Variants in SPOCK2 observed in about 807,000 individuals in gnomAD.
The protein encoded by SPOCK2 is testican-2.
In SPOCK2, 39 loss-of-function variants were observed where a neutral mutation model predicts 60.1. That is an observed-to-expected ratio of 0.65 (90% confidence interval 0.50 to 0.85). SPOCK2 has a LOEUF of 0.85. Ranked by LOEUF, SPOCK2 falls within the 40% of genes least tolerant of loss-of-function variation. The probability of loss-of-function intolerance (pLI) is 0.00; values close to 1 mark genes in which losing one functional copy is unlikely to be tolerated. For missense variants in SPOCK2, 523 were observed against 567.4 expected (o/e 0.92, Z 0.80); for synonymous variants, 217 against 231.5 (o/e 0.94, Z 0.57).
At position 72,070,327 on chromosome 10, in the gene SPOCK2, G is replaced by A. The variant is rs1414323560; in HGVS notation, c.459C>T (p.His153=). ...QLASVCGSDG[H]TYSSVCKLEQ... ...GGCTCCTCACCACAGAGCTGTAAGT[G>A]TGGCCATCTGAGCCGCAGACAGAGG... The change falls in exon 5 of 11, where the codon CAC becomes CAT. Residue 153 remains histidine, a synonymous_variant. Transcript: ENST00000373109. 1 of 1,614,160 alleles carries A rather than the reference G, an allele frequency of 6.2e-7. No individual in the cohort carries two copies. The highest frequency in any genetic ancestry group is 8.5e-7 in the Non-Finnish European group (1 of 1,180,008).
At chr10:72,071,959 G>C (rs1329295613) in intron 4 of SPOCK2, among the ~76,000 whole-genome samples, 185 bp downstream of exon 4, 4 of 152,200 alleles carry the variant, frequency 2.6e-5, no homozygotes, top group Admixed American at 6.5e-5. Context: ...AACCATCTAA[G>C]AGAACCACTT....
intron 1 of SPOCK2, among the ~76,000 whole-genome samples, chr10:72,082,385 C>T (rs1457612148): frequency 6.6e-6 from 1 of 152,250 alleles, no homozygotes; most frequent in African/African-American, 2.4e-5. Context: ...CACATTGCTC[C>T]TGCAAGGAGA....
At chr10:72,086,436 T>C in intron 1 of SPOCK2, 4 of 1,037,040 alleles carry the variant, frequency 3.9e-6, no homozygotes, top group Non-Finnish European at 4.6e-6. Flanking sequence ...ATTAAGCATT[T>C]CTTTTCCCTC....
upstream of SPOCK2, chr10:72,088,993 T>A (rs1034806913): frequency 6.6e-6 from 1 of 152,302 alleles, no homozygotes; most frequent in Non-Finnish European, 1.5e-5. Flanking sequence ...GGCTCTACCG[T>A]AATGGGTGGC....
At chr10:72,064,794 G>A (rs1840546000) in intron 8 of SPOCK2, among the ~76,000 whole-genome samples, 1 of 151,966 alleles carries the variant, frequency 6.6e-6, no homozygotes, top group South Asian at 2.1e-4. Context: ...GCATTGGCGC[G>A]ATCTCGGCTC....
In SPOCK2 at chr10:72,072,516, C is replaced by G; in HGVS notation, c.231G>C (p.Gln77His). Residue 77 changes from glutamine to histidine, a missense_variant, in exon 3 of 11, where the codon CAG becomes CAC. Coordinates refer to ENST00000373109, the MANE Select transcript of SPOCK2 (RefSeq NM_001244950.2). ...GAGTCATGTTACCTTCATCTCCTTG[C>G]TGATTGTCCTCCCAGCTCTTGATAT... ...DDYIKSWEDN[Q>H]QGDEALDTTK... 1.2e-6 allele frequency: 2 copies of G among 1,614,036 alleles called. No homozygotes were observed. Among genetic ancestry groups the G allele is most frequent in the Non-Finnish European group, 1.7e-6 (2 of 1,180,030 alleles).
intron 8 of SPOCK2, among the ~76,000 whole-genome samples, chr10:72,066,633 A>G (rs1442380196): frequency 6.6e-6 from 1 of 151,480 alleles, no homozygotes; most frequent in African/African-American, 2.4e-5. Flanking sequence ...ACTCTTTCTT[A>G]AAGAAGACCT....
At chr10:72,078,592 C>G (rs140563455) in intron 1 of SPOCK2, among the ~76,000 whole-genome samples, 4 of 151,984 alleles carry the variant, frequency 2.6e-5, no homozygotes, top group African/African-American at 9.6e-5. Context: ...ATTTTGAAAG[C>G]CTTTCACGGG....
Position 72,062,815 on chromosome 10 carries a change from G to T in SPOCK2, c.1220C>A (p.Ala407Asp). Reference sequence around the variant, plus strand: ...GCCTGCCTCGCCCTCCTCCTCCTCGGCCTCCTCGCCTGCTTCCTCCGTCTC... The same window carrying T: ...GCCTGCCTCGCCCTCCTCCTCCTCGTCCTCCTCGCCTGCTTCCTCCGTCTC... ...EKETEEAGEEAEEEEGEAGEA... is the reference protein window; with the variant it reads ...EKETEEAGEEDEEEEGEAGEA... Residue 407 changes from alanine (A) to aspartate (D), a missense_variant, in exon 11 of 11, where the codon GCC (alanine) becomes GAC (aspartate). Ala to Asp is a moderately radical substitution (Grantham distance 126). Transcript: ENST00000373109. This position sits in a 1 kb window ranked among gnomAD's most constrained non-coding sequence, Gnocchi z 4.3. The T allele has an allele frequency of 6.2e-7, 1 of 1,609,760 alleles. No individual in the cohort carries two copies.
intron 9 of SPOCK2, 127 bp from the exon 10 acceptor site, chr10:72,063,289 G>A: frequency 1.5e-6 from 2 of 1,367,760 alleles, no homozygotes; most frequent in South Asian, 2.8e-5. Context: ...CAGACCGGGT[G>A]CTGACCCCCC....
Position 72,062,500 on chromosome 10 carries a change from G to A in SPOCK2, c.*260C>T. On this transcript the variant is annotated 3_prime_UTR_variant, in exon 11 of 11. Transcript: ENST00000373109. This position sits in a 1 kb window ranked among gnomAD's most constrained non-coding sequence, Gnocchi z 4.3. ...GCCTTTGGGTGACTCACTCTGCCAG[G>A]AGCAGTGTGGATCAAGGACACATTT... 2 of 569,580 alleles carry A rather than the reference G, an allele frequency of 3.5e-6. No individual in the cohort carries two copies. The highest frequency in any genetic ancestry group is 2.9e-6 in the Non-Finnish European group (1 of 348,334). 35.3% of individuals were successfully genotyped at this position (569,580 alleles called of 1,614,324 possible). A position where few individuals can be genotyped will look rare whatever the true frequency, so the allele number is the denominator to read the frequency against.
At chr10:72,076,159 C>G (rs1763431529) in intron 1 of SPOCK2, among the ~76,000 whole-genome samples, 1 of 152,026 alleles carries the variant, frequency 6.6e-6, no homozygotes, top group South Asian at 2.1e-4. Context: ...CGAGGAGAGT[C>G]CCCTAGGAGG....
intron 1 of SPOCK2, among the ~76,000 whole-genome samples, chr10:72,077,595 T>C (rs1840729933): frequency 6.6e-6 from 1 of 152,208 alleles, no homozygotes; most frequent in African/African-American, 2.4e-5. Context: ...TCTGTGCTTA[T>C]GTCTAATATT....
rs910881384 is a variant in SPOCK2, at chr10:72,072,036, C to A, written c.359+108G>T. 17 of 870,096 alleles carry A rather than the reference C, an allele frequency of 2.0e-5. No homozygotes were observed. The South Asian group carries it at 4.0e-4, about 20-fold the overall frequency. The allele number at this position is 870,096 out of a possible 1,614,324, so 53.9% of individuals were successfully genotyped here. ...TTGCTGTTTTAAGCACTAAGTTTTA[C>A]AATTTATTTAACAGCAGTAGATGGC... On this transcript the variant is annotated intron_variant, in intron 4 of 10. Transcript: ENST00000373109.
chr10:72,066,097 G>T (rs1395776251), intron 8 of SPOCK2, among the ~76,000 whole-genome samples: 1 of 152,116 alleles, frequency 6.6e-6, no homozygotes, highest in Non-Finnish European at 1.5e-5. Context: ...TTTCCGAGAT[G>T]ACTCTGGTTT....
At chr10:72,076,654 G>C (rs1267131111) in intron 1 of SPOCK2, among the ~76,000 whole-genome samples, 1 of 152,098 alleles carries the variant, frequency 6.6e-6, no homozygotes, top group Non-Finnish European at 1.5e-5. Flanking sequence ...CCTGGGCTCA[G>C]GCAGTCCTCC....
At chr10:72,073,194 C>T (rs370650241) in intron 1 of SPOCK2, among the ~76,000 whole-genome samples, 3 of 152,190 alleles carry the variant, frequency 2.0e-5, no homozygotes, top group African/African-American at 4.8e-5. Context: ...CCCAGTCCAG[C>T]CCCAGCCCCA....
At position 72,072,971 on chromosome 10, in the gene SPOCK2, G is replaced by A. The variant is rs1223697099; in HGVS notation, c.190-61C>T. 3.2e-6 allele frequency: 5 copies of A among 1,551,636 alleles called. No individual in the cohort carries two copies. In the Admixed American group the frequency reaches 9.8e-5, roughly 30 times the overall value. ...CGGAGCAGGAAGAGAAAGGGAGAAA[G>A]ATGGGGATATCAGTGTGAGGCCCTC... On this transcript the variant is annotated intron_variant, in intron 1 of 10. Transcript: ENST00000373109.
At chr10:72,085,459 C>T (rs1156251720) in intron 1 of SPOCK2, among the ~76,000 whole-genome samples, 1 of 152,254 alleles carries the variant, frequency 6.6e-6, no homozygotes, top group East Asian at 1.9e-4. Context: ...TCCCTCTCAA[C>T]CAGCTCTGGC....
Sources: gnomAD v4.1 joint callset for allele counts (sites outside exome capture counted in the v4.1 genomes callset) on GRCh38, gnomAD v4.1.1 for gene constraint, Gnocchi (gnomAD v3.1) non-coding constraint, MANE v1.5 for transcripts, NCBI Gene and HGNC (gene_info 2026-07-23, HGNC 2026-07-21) for gene names.